Variants in PRKCB observed in about 807,000 individuals in gnomAD.
PRKCB encodes protein kinase C beta, also known as protein kinase C beta type.
A neutral mutation model predicts 81.5 loss-of-function variants in PRKCB; 13 were observed. The observed-to-expected ratio is 0.16, with a 90% CI of 0.10 to 0.25. The LOEUF (loss-of-function observed/expected upper bound fraction) is 0.25, where lower values mean the gene tolerates loss of function less well. Among genes scored for constraint, PRKCB ranks in the 10% least tolerant of loss-of-function variants. The probability of loss-of-function intolerance (pLI) is 1.00; values close to 1 mark genes in which losing one functional copy is unlikely to be tolerated. For missense variants in PRKCB, 509 were observed against 875.7 expected (o/e 0.58, Z 5.29); for synonymous variants, 335 against 321.4 (o/e 1.04, Z -0.45).
intron 16 of PRKCB, among the ~76,000 whole-genome samples, chr16:24,197,420 C>A (rs1428702726): frequency 6.6e-6 from 1 of 151,880 alleles, no homozygotes; most frequent in East Asian, 1.9e-4. Context: ...ATGCAAAGGC[C>A]CTGAGGCAGG....
chr16:24,124,989 C>T (rs1966840306), intron 9 of PRKCB, among the ~76,000 whole-genome samples: 1 of 152,182 alleles, frequency 6.6e-6, no homozygotes, highest in South Asian at 2.1e-4. Flanking sequence ...ACCTGGATAA[C>T]TGCAGAAACT....
At chr16:24,187,572 T>C (rs1196364890) in intron 15 of PRKCB, among the ~76,000 whole-genome samples, 2 of 152,246 alleles carry the variant, frequency 1.3e-5, no homozygotes, top group South Asian at 2.1e-4. Flanking sequence ...TCCCCTGGAA[T>C]TGCAACTTTT....
intron 10 of PRKCB, among the ~76,000 whole-genome samples, chr16:24,160,551 G>A (rs1406981303): frequency 6.6e-6 from 1 of 152,148 alleles, no homozygotes; most frequent in Admixed American, 6.5e-5. Context: ...TGTATACAGA[G>A]GGTACTAATG....
intron 3 of PRKCB, among the ~76,000 whole-genome samples, chr16:23,998,387 C>T (rs1964987324): frequency 6.6e-6 from 1 of 151,322 alleles, no homozygotes; most frequent in South Asian, 2.1e-4. Flanking sequence ...AGAACCCTGA[C>T]TAATACATTG....
intron 2 of PRKCB, among the ~76,000 whole-genome samples, chr16:23,948,565 G>A (rs1024866886): frequency 2.0e-5 from 3 of 150,874 alleles, no homozygotes; most frequent in African/African-American, 7.3e-5. Flanking sequence ...CACCATGCCT[G>A]GCTAATTTTT....
At chr16:23,996,431 A>G (rs1265819376) in intron 3 of PRKCB, among the ~76,000 whole-genome samples, 1 of 152,178 alleles carries the variant, frequency 6.6e-6, no homozygotes, top group Admixed American at 6.5e-5. Context: ...TGAGTGCTCA[A>G]TCTGCCAGCA....
At chr16:24,075,379 G>C (rs1211315012) in intron 5 of PRKCB, among the ~76,000 whole-genome samples, 1 of 152,196 alleles carries the variant, frequency 6.6e-6, no homozygotes, top group Non-Finnish European at 1.5e-5. Flanking sequence ...GTAGGGAAGA[G>C]ACAGGAGGAA....
intron 2 of PRKCB, among the ~76,000 whole-genome samples, chr16:23,875,332 C>T (rs1248155102): frequency 6.6e-6 from 1 of 151,900 alleles, no homozygotes; most frequent in Non-Finnish European, 1.5e-5. Context: ...AACCACCATG[C>T]CCAGCCTCTC....
intron 7 of PRKCB, among the ~76,000 whole-genome samples, chr16:24,096,666 A>AAAT (rs1406204037): frequency 1.4e-3 from 45 of 32,656 alleles, no homozygotes; most frequent in African/African-American, 3.7e-3. Context: ...AAAAAAAAAA[A>AAAT]ATATATATAT....
intron 2 of PRKCB, among the ~76,000 whole-genome samples, chr16:23,934,069 C>G (rs896835533): frequency 6.7e-6 from 1 of 149,796 alleles, no homozygotes; most frequent in African/African-American, 2.5e-5. Flanking sequence ...ATTTGACTTT[C>G]TTTTTACGAA....
At chr16:23,926,961 T>C (rs547922407) in intron 2 of PRKCB, among the ~76,000 whole-genome samples, 9 of 152,312 alleles carry the variant, frequency 5.9e-5, no homozygotes, top group South Asian at 2.1e-4. Context: ...AAAGTATTTA[T>C]TGAATACTTC....
intron 2 of PRKCB, among the ~76,000 whole-genome samples, chr16:23,892,151 G>A (rs915145407): frequency 4.6e-5 from 7 of 152,254 alleles, no homozygotes; most frequent in African/African-American, 1.7e-4. Flanking sequence ...CCTGTTACTG[G>A]GAGCCCTTGA....
At chr16:24,187,774 G>A (rs1439135438) in intron 15 of PRKCB, among the ~76,000 whole-genome samples, 3 of 152,144 alleles carry the variant, frequency 2.0e-5, no homozygotes, top group African/African-American at 4.8e-5. Flanking sequence ...GATCTCCCAG[G>A]CTCAAGGGAT....
chr16:24,036,351 G>C (rs968815291), intron 5 of PRKCB, among the ~76,000 whole-genome samples: 4 of 152,144 alleles, frequency 2.6e-5, no homozygotes, highest in African/African-American at 9.7e-5. Context: ...CATAAGCCCC[G>C]GTATAACCAG....
At chr16:24,028,340 C>T (rs142084355) in intron 3 of PRKCB, among the ~76,000 whole-genome samples, 8,152 of 152,344 alleles carry the variant, frequency 0.054, 285 homozygotes, top group African/African-American at 0.08. Context: ...CCACCCACCT[C>T]GGCTTCCCGA....
intron 2 of PRKCB, among the ~76,000 whole-genome samples, chr16:23,953,352 G>T (rs2141781188): frequency 6.6e-6 from 1 of 152,246 alleles, no homozygotes; most frequent in South Asian, 2.1e-4. Context: ...GCACAATCTG[G>T]CTACTGTGTG....
chr16:24,188,398 G>A (rs570906560), intron 15 of PRKCB, among the ~76,000 whole-genome samples: 1 of 152,218 alleles, frequency 6.6e-6, no homozygotes, highest in South Asian at 2.1e-4. Flanking sequence ...ACATGGCTTC[G>A]GGCACATTAG....
chr16:24,174,108 C>T (rs1967489847), intron 11 of PRKCB: 1 of 168,148 alleles, frequency 5.9e-6, no homozygotes, highest in African/African-American at 2.4e-5. Context: ...CACCTGGGAT[C>T]AAGCGATCCT....
intron 2 of PRKCB, among the ~76,000 whole-genome samples, chr16:23,928,702 G>GGTTTT (rs1189366732): frequency 8.6e-5 from 13 of 151,668 alleles, no homozygotes; most frequent in African/African-American, 1.2e-4. Flanking sequence ...GGTATCTAGT[G>GGTTTT]GTTTTGTTTT....
Sources: allele counts gnomAD v4.1 joint callset (sites outside exome capture counted in the v4.1 genomes callset), GRCh38; gene constraint gnomAD v4.1.1; transcripts MANE v1.5; gene names NCBI Gene and HGNC (gene_info 2026-07-23, HGNC 2026-07-21).